The following XIRP2 variants were observed in gnomAD, a reference collection of about 807,000 sequenced individuals.
XIRP2 encodes xin actin binding repeat containing 2.
XIRP2 carries 236 observed loss-of-function variants against 277.0 expected under a neutral mutation model. The observed-to-expected ratio is 0.85, with a 90% confidence interval of 0.77 to 0.95. The LOEUF (loss-of-function observed/expected upper bound fraction) is 0.95. XIRP2 is among the 40% of genes least tolerant of loss of function. The probability of loss-of-function intolerance (pLI) is 0.00; values close to 1 mark genes in which losing one functional copy is unlikely to be tolerated. For synonymous variants in XIRP2, 1,490 were observed against 1,416.5 expected (o/e 1.05, Z -1.17); for missense variants, 4,640 against 4,157.5 (o/e 1.12, Z -3.19).
chr2:167,078,294 A>T (rs895551275), intron 2 of XIRP2, among the ~76,000 whole-genome samples: 2 of 152,104 alleles, frequency 1.3e-5, no homozygotes, highest in East Asian at 3.9e-4. Flanking sequence ...TTTTTGGTGT[A>T]TAGAAATGCT....
chr2:167,020,991 G>A (rs1310120222), intron 2 of XIRP2, among the ~76,000 whole-genome samples: 1 of 152,084 alleles, frequency 6.6e-6, no homozygotes, highest in Non-Finnish European at 1.5e-5. Flanking sequence ...TGGCAGGGGT[G>A]TTCCACATAA....
chr2:167,166,810 GGATTACATCTCAACATGA>G lies in XIRP2; in HGVS notation c.562+30753_562+30770del, dbSNP rs1559004537. On this transcript the variant is annotated intron_variant, in intron 3 of 10. Transcript: ENST00000409195. The stretch of plus-strand genomic sequence containing the variant: ...CACGAGGCCTCAACACCAACACTGG[GGATTACATCTCAACATGA>G]GATTTGGGAGGGACAAACATCCAAA... Among the ~76,000 whole-genome samples the G allele has an allele frequency of 2.0e-5, 3 of 152,142 alleles. No individual in the cohort carries two copies. The South Asian group carries it at 6.2e-4, about 32-fold the overall frequency.
Position 167,259,318 on chromosome 2 carries a change from G to A in XIRP2, c.*1501G>A. The A allele has an allele frequency of 6.2e-7, 1 of 1,611,642 alleles. No individual in the cohort carries two copies. The highest frequency in any genetic ancestry group is 8.5e-7 in the Non-Finnish European group (1 of 1,179,156). On this transcript the variant is annotated 3_prime_UTR_variant, in exon 11 of 11. Transcript: ENST00000409195. ...AGGTGCAGTCAGAACAACTCACGGT[G>A]GAAGAGCAGATTAAAAGAAACAGGT... is the stretch of plus-strand genomic sequence containing the variant.
chr2:166,895,467 G>A (rs1684218495), intron 1 of XIRP2, among the ~76,000 whole-genome samples: 1 of 152,044 alleles, frequency 6.6e-6, no homozygotes, highest in Admixed American at 6.6e-5. Context: ...GTGGTAGGTG[G>A]GTCCCACCAT....
intron 2 of XIRP2, among the ~76,000 whole-genome samples, chr2:167,131,825 A>G (rs150246943): frequency 1.4e-3 from 206 of 152,288 alleles, no homozygotes; most frequent in African/African-American, 4.7e-3. Context: ...TCTAAGCTCC[A>G]GGGCTACACA....
intron 3 of XIRP2, among the ~76,000 whole-genome samples, chr2:167,169,109 A>T (rs1692607539): frequency 6.6e-6 from 1 of 152,188 alleles, no homozygotes; most frequent in Non-Finnish European, 1.5e-5. Context: ...TATAGTGGTA[A>T]GGTGTTGGGG....
rs371582815 is a variant in XIRP2, at chr2:167,243,850, A to T, written c.2458A>T (p.Ile820Phe). The T allele has an allele frequency of 1.2e-6, 2 of 1,613,852 alleles. No homozygotes were observed. Among genetic ancestry groups the T allele is most frequent in the Non-Finnish European group, 1.7e-6 (2 of 1,179,946 alleles). Residue 820 changes from isoleucine (I) to phenylalanine (F), a missense_variant, in exon 9 of 11, where the codon ATC (isoleucine) becomes TTC (phenylalanine). Coordinates refer to ENST00000409195, the MANE Select transcript of XIRP2 (RefSeq NM_152381.6). ...ATTTGAAACCCAACCTTTGGAGAAA[A>T]TCAAAGAGTCAGAAGAGGTCATCAT... ...WLFETQPLEK[I>F]KESEEVIIEK... is the part of the protein sequence containing the mutation.
chr2:166,903,748 A>C lies in XIRP2; in HGVS notation c.266A>C (p.Glu89Ala), dbSNP rs1436810254. 6.2e-7 allele frequency: 1 copy of C among 1,613,662 alleles called. No homozygotes were observed. The highest frequency in any genetic ancestry group is 1.7e-5 in the Admixed American group (1 of 59,912). Residue 89 changes from glutamate (E) to alanine (A), a missense_variant, in exon 2 of 11, where the codon GAA becomes GCA. Coordinates refer to ENST00000409195, the MANE Select transcript of XIRP2 (RefSeq NM_152381.6). ...DSVDKSNNTR[E>A]YGRPEVLKED... is the part of the protein sequence containing the mutation. ...GTGGACAAGAGTAACAACACCAGGG[A>C]ATATGGTCGGCCAGAAGTGCTGAAG...
intron 2 of XIRP2, among the ~76,000 whole-genome samples, chr2:167,064,777 A>T (rs1194217881): frequency 6.6e-6 from 1 of 151,936 alleles, no homozygotes; most frequent in Non-Finnish European, 1.5e-5. Context: ...TTACTGACCT[A>T]ATTCACTTAG....
At position 167,254,094 on chromosome 2, in the gene XIRP2, G is replaced by T; in HGVS notation, c.10618G>T (p.Val3540Leu). Residue 3540 changes from valine to leucine, a missense_variant, in exon 10 of 11, where the codon GTG (valine) becomes TTG (leucine). Transcript: ENST00000409195. Reference sequence around the variant, plus strand: ...GTCAAAAGACAGTTTATCCAATGGAGTGCCTAGTGGCAGACAAGCAGAATT... The same window carrying T: ...GTCAAAAGACAGTTTATCCAATGGATTGCCTAGTGGCAGACAAGCAGAATT... The part of the protein sequence containing the change: ...TLSKDSLSNG[V>L]PSGRQAEFS 2 of 1,610,924 alleles carry T rather than the reference G, an allele frequency of 1.2e-6. No homozygotes were observed. Among genetic ancestry groups the T allele is most frequent in the Non-Finnish European group, 8.5e-7 (1 of 1,178,294 alleles).
chr2:167,030,118 G>A (rs1317564517), intron 2 of XIRP2, among the ~76,000 whole-genome samples: 1 of 151,736 alleles, frequency 6.6e-6, no homozygotes, highest in African/African-American at 2.4e-5. Flanking sequence ...TTCTTTATTA[G>A]TCTGGCTAGC....
At chr2:167,012,099 C>G (rs1314253244) in intron 2 of XIRP2, among the ~76,000 whole-genome samples, 1 of 151,900 alleles carries the variant, frequency 6.6e-6, no homozygotes, top group Admixed American at 6.6e-5. Flanking sequence ...TTGCCTTCTG[C>G]TAGTTTTTGA....
chr2:167,045,308 A>T (rs1471021193), intron 2 of XIRP2, among the ~76,000 whole-genome samples: 1 of 152,128 alleles, frequency 6.6e-6, no homozygotes, highest in East Asian at 1.9e-4. Flanking sequence ...TCTTAGAAGA[A>T]ACCCTAGAAA....
chr2:166,913,319 C>CCCG (rs1553469504), intron 2 of XIRP2, among the ~76,000 whole-genome samples: 6 of 75,244 alleles, frequency 8.0e-5, no homozygotes, highest in African/African-American at 2.2e-4. Context: ...CACCCCCCCC[C>CCCG]CCCAGCCTCG....
chr2:167,040,872 A>G (rs1213690879), intron 2 of XIRP2, among the ~76,000 whole-genome samples: 1 of 152,120 alleles, frequency 6.6e-6, no homozygotes, highest in African/African-American at 2.4e-5. Flanking sequence ...ACGTGCACCA[A>G]CCTGCAGCCT....
At position 166,963,117 on chromosome 2, in the gene XIRP2, A is replaced by G. The variant is rs531026543; in HGVS notation, c.408+59227A>G. On this transcript the variant is annotated intron_variant, in intron 2 of 10. Transcript: ENST00000409195. ...ATATTGAAATATTGCAATGCATCTC[A>G]TGAATATGTACAACTTTGTCAATTA... 4.9e-4 allele frequency among the ~76,000 whole-genome samples: 75 copies of G among 151,904 alleles called. 1 individual carries two copies. In the South Asian group the frequency reaches 0.015, roughly 31 times the overall value.
chr2:167,001,136 T>G (rs1489015495), intron 2 of XIRP2, among the ~76,000 whole-genome samples: 1 of 152,138 alleles, frequency 6.6e-6, no homozygotes, highest in Admixed American at 6.6e-5. Flanking sequence ...GAAAATATAT[T>G]AGTGGGGTGG....
chr2:167,104,987 T>A (rs1420249920), intron 2 of XIRP2, among the ~76,000 whole-genome samples: 1 of 152,064 alleles, frequency 6.6e-6, no homozygotes, highest in Non-Finnish European at 1.5e-5. Flanking sequence ...CAAAATTGCA[T>A]TTCAGCTAAT....
At chr2:167,119,558 C>G (rs1690994677) in intron 2 of XIRP2, among the ~76,000 whole-genome samples, 1 of 152,184 alleles carries the variant, frequency 6.6e-6, no homozygotes, top group Admixed American at 6.5e-5. Flanking sequence ...GTACCAGACT[C>G]TCAGTGCTTG....
Sources: gnomAD v4.1 joint callset for allele counts (sites outside exome capture counted in the v4.1 genomes callset) on GRCh38, gnomAD v4.1.1 for gene constraint, MANE v1.5 for transcripts, NCBI Gene and HGNC (gene_info 2026-07-23, HGNC 2026-07-21) for gene names.